The following UBE2W variants were observed in gnomAD, a reference collection of about 807,000 sequenced individuals.
UBE2W encodes the protein ubiquitin conjugating enzyme E2 W, also known as ubiquitin-conjugating enzyme E2 W.
In UBE2W, 18 loss-of-function variants were observed where a neutral mutation model predicts 27.2. The observed-to-expected ratio is 0.66, with a 90% CI of 0.46 to 0.98. The LOEUF (loss-of-function observed/expected upper bound fraction) is 0.98, where lower values mean the gene tolerates loss of function less well. Ranked by LOEUF, UBE2W falls within the 50% of genes least tolerant of loss-of-function variation. The pLI is 0.00. For synonymous variants in UBE2W, 53 were observed against 57.2 expected, an observed-to-expected ratio of 0.93 and a Z score of 0.33; for missense variants, 90 against 180.2, an observed-to-expected ratio of 0.50 and a Z score of 2.87.
chr8:73,825,326 C>T, intron 2 of UBE2W, 77 bp from the exon 3 acceptor site: 2 of 992,500 alleles, frequency 2.0e-6, no homozygotes, highest in South Asian at 1.5e-5. Flanking sequence ...ACACCAAGTA[C>T]TTCCTATACA....
chr8:73,872,971 C>T (rs771503316), intron 1 of UBE2W, among the ~76,000 whole-genome samples: 24 of 151,034 alleles, frequency 1.6e-4, no homozygotes, highest in Non-Finnish European at 2.7e-4. Flanking sequence ...GCATGATCTC[C>T]GCTCACTGCA....
intron 1 of UBE2W, among the ~76,000 whole-genome samples, chr8:73,835,085 T>C (rs1040431450): frequency 5.9e-5 from 9 of 152,140 alleles, no homozygotes; most frequent in African/African-American, 1.9e-4. Flanking sequence ...ATAATCCTTC[T>C]TAGTAGGAGA....
At chr8:73,834,398 TCAAA>T (rs1810219707) in intron 1 of UBE2W, among the ~76,000 whole-genome samples, 2 of 152,166 alleles carry the variant, frequency 1.3e-5, no homozygotes, top group Admixed American at 6.5e-5. Context: ...AAAAACTGGG[TCAAA>T]CAAAGAACTG....
rs11777717 is a variant in UBE2W, at chr8:73,788,634, G to A, written c.*5468C>T. On this transcript the variant is annotated 3_prime_UTR_variant, in exon 6 of 6. Transcript: ENST00000602593. ...ATTGTAAGTTTCAGGCTTCAAAAGA[G>A]GCAGGATTATTAAATCTTTCCATAC... is the stretch of plus-strand genomic sequence containing the variant. The A allele has an allele frequency of 0.058, 57,093 of 985,270 alleles. 1,769 individuals are homozygous for A. The highest frequency in any genetic ancestry group is 0.063 in the Non-Finnish European group (51,909 of 829,888). The allele number at this position is 985,270 out of a possible 1,614,324, so 61.0% of individuals were successfully genotyped here. A position where few individuals can be genotyped will look rare whatever the true frequency, so the allele number is the denominator to read the frequency against.
chr8:73,826,263 TTTTC>T (rs1238078299), intron 2 of UBE2W, among the ~76,000 whole-genome samples: 2 of 152,198 alleles, frequency 1.3e-5, no homozygotes, highest in African/African-American at 4.8e-5. Context: ...ATTCTTGTTA[TTTTC>T]TTTAAGATGG....
At chr8:73,820,787 A>G (rs922147262) in intron 3 of UBE2W, among the ~76,000 whole-genome samples, 16 of 151,830 alleles carry the variant, frequency 1.1e-4, no homozygotes, top group African/African-American at 3.9e-4. Flanking sequence ...AAACAAAAAA[A>G]CAAAATAAAA....
chr8:73,823,946 A>G (rs1300729047), intron 3 of UBE2W, among the ~76,000 whole-genome samples: 2 of 152,196 alleles, frequency 1.3e-5, no homozygotes, highest in Non-Finnish European at 2.9e-5. Flanking sequence ...TTTTCCTCCA[A>G]ATAGTACATT....
At chr8:73,818,945 T>C (rs946510590) in intron 3 of UBE2W, among the ~76,000 whole-genome samples, 35 of 152,276 alleles carry the variant, frequency 2.3e-4, no homozygotes, top group African/African-American at 7.7e-4. Context: ...TCTTTATAAA[T>C]TACCCAGCCT....
chr8:73,784,374 A>T (rs2130826642), downstream of UBE2W, among the ~76,000 whole-genome samples: 1 of 152,342 alleles, frequency 6.6e-6, no homozygotes, highest in East Asian at 1.9e-4. Context: ...TTAAATGAGT[A>T]TAAAGACAAA....
At chr8:73,873,419 G>A (rs1812088186) in intron 1 of UBE2W, among the ~76,000 whole-genome samples, 1 of 152,078 alleles carries the variant, frequency 6.6e-6, no homozygotes, top group South Asian at 2.1e-4. Flanking sequence ...AGCACTTTAG[G>A]AGGCCAAGGT....
intron 2 of UBE2W, among the ~76,000 whole-genome samples, chr8:73,827,477 G>A (rs991385027): frequency 6.6e-6 from 1 of 152,126 alleles, no homozygotes; most frequent in Non-Finnish European, 1.5e-5. Flanking sequence ...GCGTCCCAAA[G>A]TGCTGGGATT....
intron 3 of UBE2W, among the ~76,000 whole-genome samples, chr8:73,815,309 G>A (rs1407792853): frequency 1.3e-5 from 2 of 152,164 alleles, no homozygotes; most frequent in Non-Finnish European, 2.9e-5. Context: ...AGGAGTCTGA[G>A]GTTGCAGTTG....
At position 73,793,787 on chromosome 8, in the gene UBE2W, T is replaced by C; in HGVS notation, c.*315A>G. The stretch of plus-strand genomic sequence containing the variant: ...ACCAAAACCGCCAAGGAAGTCATTG[T>C]TATTGCACAATACATGAGGACCTGG... On this transcript the variant is annotated 3_prime_UTR_variant, in exon 6 of 6. Coordinates refer to ENST00000602593, the MANE Select transcript of UBE2W (RefSeq NM_018299.6). 2 of 1,077,172 alleles carry C rather than the reference T, an allele frequency of 1.9e-6. No individual in the cohort carries two copies. The allele number at this position is 1,077,172 out of a possible 1,614,324, so 66.7% of individuals were successfully genotyped here.
Position 73,791,021 on chromosome 8 carries a change from A to G in UBE2W, c.*3081T>C. 1 of 983,478 alleles carries G rather than the reference A, an allele frequency of 1.0e-6. No individual in the cohort carries two copies. Among genetic ancestry groups the G allele is most frequent in the East Asian group, 1.1e-4 (1 of 8,806 alleles). The allele number at this position is 983,478 out of a possible 1,614,324, so 60.9% of individuals were successfully genotyped here. Reference sequence around the variant, plus strand: ...ATATTCCTAGTCAAAACAACAAGGAATTAAGATCTTTCTCCAGGTGAACTG... The same window carrying G: ...ATATTCCTAGTCAAAACAACAAGGAGTTAAGATCTTTCTCCAGGTGAACTG... On this transcript the variant is annotated 3_prime_UTR_variant, in exon 6 of 6. Coordinates refer to ENST00000602593, the MANE Select transcript of UBE2W (RefSeq NM_018299.6).
intron 5 of UBE2W, among the ~76,000 whole-genome samples, chr8:73,804,293 A>AC (rs970819004): frequency 6.7e-6 from 1 of 150,220 alleles, no homozygotes; most frequent in African/African-American, 2.5e-5. Flanking sequence ...AAAAAAAAAA[A>AC]CCCACACACA....
chr8:73,821,798 C>T (rs570323935), intron 3 of UBE2W, among the ~76,000 whole-genome samples: 3 of 151,986 alleles, frequency 2.0e-5, no homozygotes, highest in East Asian at 1.9e-4. Context: ...CCCAGGAGCT[C>T]GAGACTAGTC....
At chr8:73,796,851 A>T (rs1283919534) in intron 5 of UBE2W, among the ~76,000 whole-genome samples, 1 of 151,738 alleles carries the variant, frequency 6.6e-6, no homozygotes, top group Non-Finnish European at 1.5e-5. Flanking sequence ...TGAAAGTATT[A>T]TTGGATACCA....
At chr8:73,877,159 A>C (rs1198866380) in intron 1 of UBE2W, among the ~76,000 whole-genome samples, 1 of 152,230 alleles carries the variant, frequency 6.6e-6, no homozygotes, top group Non-Finnish European at 1.5e-5. Flanking sequence ...TACAGATAAT[A>C]ATCTTAAACT....
At chr8:73,797,920 A>C (rs1490143795) in intron 5 of UBE2W, among the ~76,000 whole-genome samples, 2 of 152,200 alleles carry the variant, frequency 1.3e-5, no homozygotes, top group African/African-American at 2.4e-5. Context: ...ACATGACACC[A>C]CAAGTGGAAA....
Sources: allele counts gnomAD v4.1 joint callset (sites outside exome capture counted in the v4.1 genomes callset), GRCh38; gene constraint gnomAD v4.1.1; transcripts MANE v1.5; gene names NCBI Gene and HGNC (gene_info 2026-07-23, HGNC 2026-07-21).